The following ACSBG2 variants were observed in gnomAD, a reference collection of about 807,000 sequenced individuals.
ACSBG2 encodes acyl-CoA synthetase bubblegum family member 2.
Under a neutral mutation model 74.7 loss-of-function variants are expected in ACSBG2, and 62 were observed. The ratio of observed to expected loss-of-function variants is 0.83; its 90% confidence interval spans 0.68 to 1.03. The LOEUF (loss-of-function observed/expected upper bound fraction) is 1.03. Among genes scored for constraint, ACSBG2 ranks in the 50% least tolerant of loss-of-function variants. The probability of loss-of-function intolerance (pLI) is 0.00; values close to 1 mark genes in which losing one functional copy is unlikely to be tolerated. For synonymous variants in ACSBG2, 309 were observed against 294.1 expected (o/e 1.05, Z -0.52); for missense variants, 730 against 817.6 (o/e 0.89, Z 1.31).
At position 6,137,117 on chromosome 19, in the gene ACSBG2, T is replaced by A. The variant is rs189141408; in HGVS notation, c.-32+1208T>A. 4.0e-5 allele frequency among the ~76,000 whole-genome samples: 6 copies of A among 149,226 alleles called. No homozygotes were observed. The Admixed American group carries it at 4.2e-4, about 10-fold the overall frequency. Reference sequence around the variant, plus strand: ...TTTTGCATTGCCATAAAGTAATACCTGAAGATGGGCAATTTATAAAGAAAA... The same window carrying A: ...TTTTGCATTGCCATAAAGTAATACCAGAAGATGGGCAATTTATAAAGAAAA... On this transcript the variant is annotated intron_variant, in intron 1 of 14. Transcript: ENST00000588485.
chr19:6,144,358 G>A (rs1321550176), intron 2 of ACSBG2, among the ~76,000 whole-genome samples: 1 of 152,214 alleles, frequency 6.6e-6, no homozygotes, highest in Non-Finnish European at 1.5e-5. Context: ...TGTGACCAGT[G>A]TCTTTATAAA....
In ACSBG2 at chr19:6,174,723, C is replaced by A. The variant is rs56654001; in HGVS notation, c.739-2506C>A. ...AGCTACTCGGGAGGCTGAAGTGAGA[C>A]GATCCCTTGAGCCCAGGAGTTCGAG... On this transcript the variant is annotated intron_variant, in intron 7 of 14. Transcript: ENST00000588485. The surrounding 1 kb of genome is among the most constrained non-coding windows in gnomAD (Gnocchi z 4.2). 0.1 allele frequency among the ~76,000 whole-genome samples: 15,924 copies of A among 152,126 alleles called. 1,665 individuals are homozygous for A. Among genetic ancestry groups the A allele is most frequent in the African/African-American group, 0.27 (11,239 of 41,458 alleles).
chr19:6,187,140 G>A (rs1342796061), intron 11 of ACSBG2, 143 bp from the exon 12 acceptor site: 2 of 1,081,004 alleles, frequency 1.9e-6, no homozygotes, highest in African/African-American at 3.2e-5. Flanking sequence ...GAGTAGCTGG[G>A]ATTACAGGTG....
At chr19:6,164,888 T>A (rs2089746478) in intron 6 of ACSBG2, among the ~76,000 whole-genome samples, 1 of 152,234 alleles carries the variant, frequency 6.6e-6, no homozygotes, top group Non-Finnish European at 1.5e-5. Flanking sequence ...GCACAGGCTC[T>A]GGAGTCAGAC....
At chr19:6,164,770 G>A (rs1212369825) in intron 6 of ACSBG2, among the ~76,000 whole-genome samples, 2 of 152,164 alleles carry the variant, frequency 1.3e-5, no homozygotes, top group Non-Finnish European at 2.9e-5. Flanking sequence ...CCCTCATCCA[G>A]TGCTTTGTTG....
intron 6 of ACSBG2, among the ~76,000 whole-genome samples, chr19:6,165,131 G>C (rs1318729701): frequency 6.6e-6 from 1 of 152,180 alleles, no homozygotes; most frequent in Non-Finnish European, 1.5e-5. Flanking sequence ...TCAGGGCGTG[G>C]ATTTCAGGCA....
intron 7 of ACSBG2, among the ~76,000 whole-genome samples, chr19:6,170,774 A>G (rs1368540561): frequency 6.6e-6 from 1 of 152,126 alleles, no homozygotes; most frequent in Non-Finnish European, 1.5e-5. Flanking sequence ...TCAACTGTCC[A>G]ATTTAGTCTA....
rs1208480663 is a variant in ACSBG2 at position 6,183,281 on chromosome 19, C to T, written c.1322+9C>T. The T allele has an allele frequency of 6.2e-7, 1 of 1,612,182 alleles. No homozygotes were observed. The highest frequency in any genetic ancestry group is 8.5e-7 in the Non-Finnish European group (1 of 1,178,378). ...AACTACAGGCTTCTAAGGTACCAGC[C>T]CCCGGGGCAGACCCCTGCTCCTCCC... On this transcript the variant is annotated intron_variant, in intron 10 of 14. Coordinates refer to ENST00000588485, the MANE Select transcript of ACSBG2 (RefSeq NM_030924.5).
Position 6,147,617 on chromosome 19 carries a change from T to G in ACSBG2, c.239T>G (p.Ile80Ser). ...LASKNGKKWEILNFNQYYEAC... is the reference protein window; with the variant it reads ...LASKNGKKWESLNFNQYYEAC... Reference sequence around the variant, plus strand: ...TCCAAGAATGGCAAAAAGTGGGAAATTCTGAATTTCAACCAGTACTATGAG... The same window carrying G: ...TCCAAGAATGGCAAAAAGTGGGAAAGTCTGAATTTCAACCAGTACTATGAG... The change falls in exon 3 of 15, where the codon ATT (isoleucine) becomes AGT (serine). Residue 80 changes from isoleucine (I) to serine (S), a missense_variant. Transcript: ENST00000588485. 4 of 1,614,132 alleles carry G rather than the reference T, an allele frequency of 2.5e-6. No individual in the cohort carries two copies. The highest frequency in any genetic ancestry group is 3.4e-6 in the Non-Finnish European group (4 of 1,180,018).
chr19:6,168,692 TA>T (rs1446376461), intron 7 of ACSBG2, among the ~76,000 whole-genome samples: 1 of 152,236 alleles, frequency 6.6e-6, no homozygotes, highest in African/African-American at 2.4e-5. Context: ...ATTATGAGCA[TA>T]GATCCTGGAG....
At chr19:6,165,653 G>A (rs1240359853) in intron 6 of ACSBG2, among the ~76,000 whole-genome samples, 1 of 152,216 alleles carries the variant, frequency 6.6e-6, no homozygotes, top group African/African-American at 2.4e-5. Flanking sequence ...CTGAGGCACA[G>A]GGAGCTTAAG....
In ACSBG2 at chr19:6,164,386, GGGCAGGTTTCA is replaced by G; in HGVS notation, c.589-1475_589-1465del. The stretch of plus-strand genomic sequence containing the variant: ...GCTCAGATGAAGCCAGCATCACCCT[GGGCAGGTTTCA>G]GGCAACACTGGCCATCTGTAGAGGA... On this transcript the variant is annotated intron_variant, in intron 6 of 14. Transcript: ENST00000588485. Among the ~76,000 whole-genome samples, 2 of 151,740 alleles carry G rather than the reference GGGCAGGTTTCA, an allele frequency of 1.3e-5. 1 individual carries two copies. The highest frequency in any genetic ancestry group is 2.9e-5 in the Non-Finnish European group (2 of 67,998).
intron 10 of ACSBG2, among the ~76,000 whole-genome samples, chr19:6,185,190 G>T (rs2090372440): frequency 6.6e-6 from 1 of 152,150 alleles, no homozygotes; most frequent in Non-Finnish European, 1.5e-5. Flanking sequence ...GCTTTCCAAA[G>T]TGTTAAGATT....
intron 7 of ACSBG2, among the ~76,000 whole-genome samples, chr19:6,173,753 C>T (rs935561694): frequency 6.6e-6 from 1 of 152,106 alleles, no homozygotes; most frequent in Non-Finnish European, 1.5e-5. Context: ...CATCACGTAT[C>T]AATACACTGT....
At chr19:6,141,730 C>A in intron 2 of ACSBG2, 120 bp downstream of exon 2, 1 of 685,748 alleles carries the variant, frequency 1.5e-6, no homozygotes. Context: ...CTGCTGACCC[C>A]GACCCCCCAC....
chr19:6,149,062 G>A (rs1600022354), intron 3 of ACSBG2, among the ~76,000 whole-genome samples: 1 of 152,088 alleles, frequency 6.6e-6, no homozygotes, highest in South Asian at 2.1e-4. Context: ...AGCCGAGATT[G>A]TGCCACTGCA....
At chr19:6,138,118 C>A (rs748540316) in intron 1 of ACSBG2, among the ~76,000 whole-genome samples, 1 of 152,178 alleles carries the variant, frequency 6.6e-6, no homozygotes, top group Non-Finnish European at 1.5e-5. Context: ...AAAGCAAGCA[C>A]CAGACAGTGT....
chr19:6,176,294 A>G, intron 7 of ACSBG2: 6 of 1,368,162 alleles, frequency 4.4e-6, no homozygotes, highest in African/African-American at 1.5e-5. Context: ...CATCTGCTTG[A>G]GCAAAGTATG....
intron 1 of ACSBG2, among the ~76,000 whole-genome samples, chr19:6,136,372 G>A (rs996188606): frequency 6.6e-6 from 1 of 152,038 alleles, no homozygotes; most frequent in Non-Finnish European, 1.5e-5. Context: ...GATTACAGGC[G>A]TGAGCCGCCA....
Sources: allele counts gnomAD v4.1 joint callset (sites outside exome capture counted in the v4.1 genomes callset), GRCh38; gene constraint gnomAD v4.1.1; non-coding constraint Gnocchi (gnomAD v3.1); transcripts MANE v1.5; gene names NCBI Gene and HGNC (gene_info 2026-07-23, HGNC 2026-07-21).